CYP19A1: variants seen among roughly 807,000 people sequenced by gnomAD.
CYP19A1 encodes the protein cytochrome P450 family 19 subfamily A member 1, also known as aromatase.
In CYP19A1, 32 loss-of-function variants were observed where a neutral mutation model predicts 44.4. The observed-to-expected ratio is 0.72, with a 90% CI of 0.54 to 0.97. The LOEUF (loss-of-function observed/expected upper bound fraction) is 0.97. Among genes scored for constraint, CYP19A1 ranks in the 50% least tolerant of loss-of-function variants. CYP19A1 has a pLI of 0.00. For synonymous variants in CYP19A1, 212 were observed against 215.6 expected (o/e 0.98, Z 0.14); for missense variants, 598 against 637.8 (o/e 0.94, Z 0.67).
At chr15:51,286,576 G>A (rs1396548858) in intron 1 of CYP19A1, among the ~76,000 whole-genome samples, 1 of 152,092 alleles carries the variant, frequency 6.6e-6, no homozygotes. Context: ...CATGTCCAAA[G>A]CCCATGGTGT....
chr15:51,244,654 A>G (rs1223573375), intron 1 of CYP19A1, among the ~76,000 whole-genome samples: 1 of 152,192 alleles, frequency 6.6e-6, no homozygotes, highest in Non-Finnish European at 1.5e-5. Context: ...GTTTCGATTT[A>G]TATTGATGAA....
intron 1 of CYP19A1, among the ~76,000 whole-genome samples, chr15:51,311,345 G>T (rs2036306284): frequency 6.6e-6 from 1 of 152,156 alleles, no homozygotes; most frequent in African/African-American, 2.4e-5. Context: ...AAATTCACTG[G>T]ATGGGCCCAA....
intron 1 of CYP19A1, among the ~76,000 whole-genome samples, chr15:51,285,777 G>A (rs2035676928): frequency 6.6e-6 from 1 of 152,136 alleles, no homozygotes; most frequent in Non-Finnish European, 1.5e-5. Flanking sequence ...AATAGTCTGG[G>A]CTTCCAGAGC....
At chr15:51,248,708 T>C (rs371130074) in intron 1 of CYP19A1, among the ~76,000 whole-genome samples, 3 of 152,198 alleles carry the variant, frequency 2.0e-5, no homozygotes, top group Non-Finnish European at 4.4e-5. Flanking sequence ...CAGGCCTTCA[T>C]ACGTGCTTGT....
At chr15:51,315,825 G>A (rs2036415709) in intron 1 of CYP19A1, 1 of 152,184 alleles carries the variant, frequency 6.6e-6, no homozygotes, top group African/African-American at 2.4e-5. Flanking sequence ...ATTTCTTCAT[G>A]TTTCCCTCTC....
At chr15:51,334,815 T>C (rs1324392373) in intron 1 of CYP19A1, among the ~76,000 whole-genome samples, 2 of 152,182 alleles carry the variant, frequency 1.3e-5, no homozygotes, top group Non-Finnish European at 2.9e-5. Flanking sequence ...GAGATTAAGA[T>C]TAAAGCATGC....
intron 1 of CYP19A1, among the ~76,000 whole-genome samples, chr15:51,267,907 A>G (rs2034987799): frequency 6.6e-6 from 1 of 152,140 alleles, no homozygotes; most frequent in African/African-American, 2.4e-5. Flanking sequence ...GAACGCCACA[A>G]CTGGTTGGCA....
intron 1 of CYP19A1, among the ~76,000 whole-genome samples, chr15:51,253,045 A>G (rs918413170): frequency 1.3e-5 from 2 of 152,192 alleles, no homozygotes; most frequent in East Asian, 3.9e-4. Flanking sequence ...GGGGAAACTC[A>G]AAGCTGCTTC....
intron 1 of CYP19A1, among the ~76,000 whole-genome samples, chr15:51,329,834 G>A (rs977369350): frequency 2.0e-5 from 3 of 152,216 alleles, no homozygotes; most frequent in Non-Finnish European, 4.4e-5. Flanking sequence ...GTATTCCCAA[G>A]GAGTTCACAG....
At chr15:51,335,991 C>T (rs1223425361) in intron 1 of CYP19A1, among the ~76,000 whole-genome samples, 1 of 152,222 alleles carries the variant, frequency 6.6e-6, no homozygotes, top group Non-Finnish European at 1.5e-5. Flanking sequence ...TGTTGTTCCT[C>T]CTCTCTGCAA....
At position 51,334,051 on chromosome 15, in the gene CYP19A1, T is replaced by C. The variant is rs147985986; in HGVS notation, c.-39+4444A>G. Among the ~76,000 whole-genome samples, 11 of 152,326 alleles carry C rather than the reference T, an allele frequency of 7.2e-5. No individual in the cohort carries two copies. In the East Asian group the frequency reaches 2.1e-3, roughly 29 times the overall value. ...TAATCTGCTAGACCAGGCTTGGCTT[T>C]CTTTCCTGACTAGCTTACACATTCT... is the stretch of plus-strand genomic sequence containing the variant. On this transcript the variant is annotated intron_variant, in intron 1 of 9. Transcript: ENST00000396402.
chr15:51,215,012 A>G, intron 8 of CYP19A1, 58 bp downstream of exon 8: 1 of 1,560,298 alleles, frequency 6.4e-7, no homozygotes, highest in Non-Finnish European at 8.7e-7. Flanking sequence ...GGACATAAGA[A>G]ATGGACATTC....
At chr15:51,281,510 A>G (rs190181040) in intron 1 of CYP19A1, among the ~76,000 whole-genome samples, 157 of 152,292 alleles carry the variant, frequency 1.0e-3, no homozygotes, top group Non-Finnish European at 1.8e-3. Context: ...ATCCAGACAT[A>G]CAGCCCGGCA....
chr15:51,312,158 A>T (rs1246288868), intron 1 of CYP19A1: 4 of 152,236 alleles, frequency 2.6e-5, no homozygotes, highest in Non-Finnish European at 4.4e-5. Flanking sequence ...CCCTGCAAGC[A>T]CCATGGGAAG....
At chr15:51,260,971 C>T (rs2034694667) in intron 1 of CYP19A1, among the ~76,000 whole-genome samples, 1 of 152,152 alleles carries the variant, frequency 6.6e-6, no homozygotes, top group South Asian at 2.1e-4. Flanking sequence ...ATTCACAGTC[C>T]ACCACTGCTG....
intron 4 of CYP19A1, 135 bp downstream of exon 4, chr15:51,227,644 G>T (rs1041441027): frequency 3.0e-5 from 7 of 231,040 alleles, no homozygotes; most frequent in Non-Finnish European, 5.7e-5. Flanking sequence ...GGTCACTCCT[G>T]CCTGGGTGAT....
intron 1 of CYP19A1, among the ~76,000 whole-genome samples, chr15:51,279,416 TC>T (rs1334505872): frequency 6.6e-6 from 1 of 152,180 alleles, no homozygotes. Context: ...CAGATTGGCA[TC>T]AACCCCCACA....
chr15:51,228,820 T>C (rs1482489892), intron 3 of CYP19A1, among the ~76,000 whole-genome samples: 1 of 152,244 alleles, frequency 6.6e-6, no homozygotes, highest in African/African-American at 2.4e-5. Context: ...ATTGCAACTT[T>C]GGTCCTCCCT....
rs565312685 is a variant in CYP19A1, at chr15:51,280,822, T to A, written c.-38-37872A>T. On this transcript the variant is annotated intron_variant, in intron 1 of 9. Coordinates refer to ENST00000396402, the MANE Select transcript of CYP19A1 (RefSeq NM_000103.4). ...ATTTTGGGTCTTGCAGTGTGGCAGG[T>A]CACTTGTCCACAGGTACCTGGACCA... is the stretch of plus-strand genomic sequence containing the variant. 9.5e-4 allele frequency among the ~76,000 whole-genome samples: 145 copies of A among 152,268 alleles called. 1 individual carries two copies. The highest frequency in any genetic ancestry group is 1.7e-3 in the Non-Finnish European group (118 of 68,012).
Sources: allele counts gnomAD v4.1 joint callset (sites outside exome capture counted in the v4.1 genomes callset), GRCh38; gene constraint gnomAD v4.1.1; transcripts MANE v1.5; gene names NCBI Gene and HGNC (gene_info 2026-07-23, HGNC 2026-07-21).